Variants in MANSC1 observed in about 807,000 individuals in gnomAD.
MANSC1 encodes MANSC domain containing 1.
MANSC1 carries 13 observed loss-of-function variants against 14.1 expected under a neutral mutation model. The ratio of observed to expected loss-of-function variants is 0.92; its 90% CI spans 0.60 to 1.46. MANSC1 has a LOEUF of 1.46. Ranked by LOEUF, MANSC1 falls within the 40% of genes most tolerant of loss-of-function variation. MANSC1 has a pLI of 0.00. For synonymous variants in MANSC1, 227 were observed against 200.7 expected (o/e 1.13, Z -1.11); for missense variants, 486 against 511.4 (o/e 0.95, Z 0.48).
chr12:12,348,701 T>TA (rs1863038853), intron 1 of MANSC1, among the ~76,000 whole-genome samples: 1 of 82,926 alleles, frequency 1.2e-5, no homozygotes, highest in Non-Finnish European at 2.5e-5. Context: ...CTTTTAGTTT[T>TA]AAAAAAAGGT....
Position 12,337,445 on chromosome 12 carries a change from C to T in MANSC1, c.364+975G>A, listed in dbSNP as rs529004456. Among the ~76,000 whole-genome samples, 248 of 151,974 alleles carry T rather than the reference C, an allele frequency of 1.6e-3. 3 individuals are homozygous for T. The highest frequency in any genetic ancestry group is 5.8e-3 in the African/African-American group (242 of 41,428). On this transcript the variant is annotated intron_variant, in intron 3 of 3. Coordinates refer to ENST00000535902, the MANE Select transcript of MANSC1 (RefSeq NM_018050.4). ...GCGTGGTGGCGGGCACCTGTAGTCC[C>T]AGTTACTCAGGAGGCTGAGGCGGGA...
chr12:12,328,575 A>C lies in MANSC1; in HGVS notation c.*1452T>G, dbSNP rs1862737020. 6.6e-6 allele frequency: 1 copy of C among 150,580 alleles called. No homozygotes were observed. 9.3% of individuals were successfully genotyped at this position (150,580 alleles called of 1,614,324 possible). A position where few individuals can be genotyped will look rare whatever the true frequency, so the allele number is the denominator to read the frequency against. ...CTGGCCTGTGCTAGTTATTATTTCC[A>C]ATGTTGTTCTAAATTAAGCTTAGAC... On this transcript the variant is annotated 3_prime_UTR_variant, in exon 4 of 4. Coordinates refer to ENST00000535902, the MANE Select transcript of MANSC1 (RefSeq NM_018050.4).
chr12:12,326,337 G>GA lies in MANSC1; in HGVS notation c.*3689dup, dbSNP rs1197651925. On this transcript the variant is annotated 3_prime_UTR_variant, in exon 4 of 4. Coordinates refer to ENST00000535902, the MANE Select transcript of MANSC1 (RefSeq NM_018050.4). ...TGTGCAGCCTTCCCTTTACAAGCAAGAAAATCTCTCCTAGAAGTCCCTAGT... is the reference window on the plus strand; with the variant it reads ...TGTGCAGCCTTCCCTTTACAAGCAAGAAAAATCTCTCCTAGAAGTCCCTAGT... 7 of 152,156 alleles carry GA rather than the reference G, an allele frequency of 4.6e-5. No individual in the cohort carries two copies. The highest frequency in any genetic ancestry group is 1.7e-4 in the African/African-American group (7 of 41,432). 9.4% of individuals were successfully genotyped at this position (152,156 alleles called of 1,614,324 possible).
chr12:12,338,776 G>T (rs1372120001), intron 2 of MANSC1: 7 of 590,528 alleles, frequency 1.2e-5, no homozygotes, highest in East Asian at 6.0e-5. Flanking sequence ...TTTTCACAAG[G>T]TGGCACCGAA....
chr12:12,348,260 T>A (rs2136000041), intron 1 of MANSC1: 1 of 152,308 alleles, frequency 6.6e-6, no homozygotes, highest in South Asian at 2.1e-4. Context: ...TGCAATAGAA[T>A]ATTTGTAGTA....
intron 3 of MANSC1, among the ~76,000 whole-genome samples, chr12:12,335,302 C>A (rs183380511): frequency 7.9e-5 from 12 of 151,996 alleles, no homozygotes; most frequent in Non-Finnish European, 1.6e-4. Flanking sequence ...ACTGTCCATT[C>A]CCAAGAGGGC....
In MANSC1 at chr12:12,330,831, G is replaced by C. The variant is rs375298595; in HGVS notation, c.492C>G (p.Thr164=). ...AAAGTGTGTCTCTCCATGAGATATC[G>C]GTGGGCTTTGAATAATCTGTGTGAT... ...AHHHTDYSKP[T]DISWRDTLSQ... Residue 164 remains threonine (T), a synonymous_variant, in exon 4 of 4, where the codon ACC becomes ACG. Coordinates refer to ENST00000535902, the MANE Select transcript of MANSC1 (RefSeq NM_018050.4). 1.2e-6 allele frequency: 2 copies of C among 1,614,086 alleles called. No homozygotes were observed. Among genetic ancestry groups the C allele is most frequent in the Non-Finnish European group, 1.7e-6 (2 of 1,179,964 alleles).
chr12:12,338,371 G>A, intron 3 of MANSC1, 49 bp downstream of exon 3: 1 of 1,487,108 alleles, frequency 6.7e-7, no homozygotes, highest in Non-Finnish European at 9.0e-7. Context: ...ACATGAACCA[G>A]TCTTAAATTA....
At position 12,338,578 on chromosome 12, in the gene MANSC1, A is replaced by G. The variant is rs376261579; in HGVS notation, c.224-18T>C. On this transcript the variant is annotated intron_variant, in intron 2 of 3. Transcript: ENST00000535902. Reference sequence around the variant, plus strand: ...TTTGTCCCCTGCAATGAAAGGTTTCATAAGCATGATTTTGAAATGCGATTT... The same window carrying G: ...TTTGTCCCCTGCAATGAAAGGTTTCGTAAGCATGATTTTGAAATGCGATTT... 5.0e-6 allele frequency: 8 copies of G among 1,606,518 alleles called. No homozygotes were observed. The East Asian group carries it at 8.9e-5, about 18-fold the overall frequency.
Position 12,330,580 on chromosome 12 carries a change from A to G in MANSC1, c.743T>C (p.Leu248Pro). ...AGGTGTCACTGAAGCATTGGTGGGTAGAAGGGTGGCGGGCTTTGGAGTAGC... is the reference window on the plus strand; with the variant it reads ...AGGTGTCACTGAAGCATTGGTGGGTGGAAGGGTGGCGGGCTTTGGAGTAGC... Reference protein sequence around the residue: ...TSATPKPATLLPTNASVTPSG... With the variant: ...TSATPKPATLPPTNASVTPSG... The change falls in exon 4 of 4, where the codon CTA becomes CCA. Residue 248 changes from leucine to proline, a missense_variant. By Grantham distance (98) the Leu-to-Pro change is moderately conservative. Transcript: ENST00000535902. 1 of 1,614,182 alleles carries G rather than the reference A, an allele frequency of 6.2e-7. No individual in the cohort carries two copies. Among genetic ancestry groups the G allele is most frequent in the South Asian group, 1.1e-5 (1 of 91,086 alleles).
rs1374164776 is a variant in MANSC1, at chr12:12,328,150, C to T, written c.*1877G>A. The T allele has an allele frequency of 6.6e-6, 1 of 150,534 alleles. No homozygotes were observed. Among genetic ancestry groups the T allele is most frequent in the Non-Finnish European group, 1.5e-5 (1 of 67,362 alleles). 9.3% of individuals were successfully genotyped at this position (150,534 alleles called of 1,614,324 possible). ...CAAACTGACCCAGGGGACTTCTGGA[C>T]TCTTTGTTACCTCACCTATAACTTG... is the stretch of plus-strand genomic sequence containing the variant. On this transcript the variant is annotated 3_prime_UTR_variant, in exon 4 of 4. Transcript: ENST00000535902.
At chr12:12,347,073 T>C (rs917230107) in intron 1 of MANSC1, among the ~76,000 whole-genome samples, 1 of 152,176 alleles carries the variant, frequency 6.6e-6, no homozygotes, top group African/African-American at 2.4e-5. Flanking sequence ...AATTTTTCCA[T>C]GGACGGCGTT....
In MANSC1 at chr12:12,328,984, T is replaced by TCA. The variant is rs35684053; in HGVS notation, c.*1041_*1042dup. 11,918 of 131,456 alleles carry TCA rather than the reference T, an allele frequency of 0.091. 540 individuals carry two copies. Among genetic ancestry groups the TCA allele is most frequent in the Middle Eastern group, 0.1 (28 of 272 alleles). The allele number at this position is 131,456 out of a possible 1,614,324, so 8.1% of individuals were successfully genotyped here. A position where few individuals can be genotyped will look rare whatever the true frequency, so the allele number is the denominator to read the frequency against. On this transcript the variant is annotated 3_prime_UTR_variant, in exon 4 of 4. Transcript: ENST00000535902. ...GCCTGGGTGACAGAGCAAGACTCTG[T>TCA]CACACACACACACACACACACACAC...
intron 3 of MANSC1, among the ~76,000 whole-genome samples, chr12:12,337,635 T>C (rs1338799564): frequency 6.6e-6 from 1 of 152,166 alleles, no homozygotes; most frequent in Non-Finnish European, 1.5e-5. Context: ...ATGCAAATAC[T>C]GTCTATGAAG....
At chr12:12,339,969 T>C (rs2135994133) in intron 2 of MANSC1, among the ~76,000 whole-genome samples, 1 of 152,196 alleles carries the variant, frequency 6.6e-6, no homozygotes, top group African/African-American at 2.4e-5. Context: ...TGCACCACCA[T>C]GCCTGGCTAA....
intron 3 of MANSC1, among the ~76,000 whole-genome samples, 190 bp from the exon 4 acceptor site, chr12:12,331,148 C>T (rs1862784779): frequency 6.6e-6 from 1 of 152,144 alleles, no homozygotes; most frequent in Admixed American, 6.5e-5. Flanking sequence ...TGGAGACCAG[C>T]CTGGACAACA....
chr12:12,335,098 C>T (rs1862840414), intron 3 of MANSC1, among the ~76,000 whole-genome samples: 1 of 152,194 alleles, frequency 6.6e-6, no homozygotes, highest in Non-Finnish European at 1.5e-5. Flanking sequence ...AAGGCAAAAA[C>T]TAGGACTTGG....
intron 1 of MANSC1, among the ~76,000 whole-genome samples, chr12:12,349,437 A>G (rs937573382): frequency 1.5e-4 from 23 of 152,222 alleles, no homozygotes; most frequent in Non-Finnish European, 2.2e-4. Flanking sequence ...TAAGAGTTTT[A>G]TATCATTAAA....
At chr12:12,341,062 C>T (rs1463330442) in intron 2 of MANSC1, among the ~76,000 whole-genome samples, 3 of 152,018 alleles carry the variant, frequency 2.0e-5, no homozygotes, top group Admixed American at 6.6e-5. Flanking sequence ...GCATCAGATT[C>T]CATGGATTAT....
Sources: gnomAD v4.1 joint callset for allele counts (sites outside exome capture counted in the v4.1 genomes callset) on GRCh38, gnomAD v4.1.1 for gene constraint, MANE v1.5 for transcripts, NCBI Gene and HGNC (gene_info 2026-07-23, HGNC 2026-07-21) for gene names.